The following CADPS2 variants were observed in gnomAD, a reference collection of about 807,000 sequenced individuals.
CADPS2 encodes the protein calcium dependent secretion activator 2, also known as calcium-dependent secretion activator 2.
CADPS2 carries 93 observed loss-of-function variants against 172.5 expected under a neutral mutation model. The ratio of observed to expected loss-of-function variants is 0.54; its 90% confidence interval spans 0.46 to 0.64. CADPS2 has a LOEUF of 0.64. CADPS2 is among the 30% of genes least tolerant of loss of function. The pLI is 0.00. For synonymous variants in CADPS2, 546 were observed against 555.2 expected (o/e 0.98, Z 0.23); for missense variants, 1,420 against 1,565.9 (o/e 0.91, Z 1.57).
intron 1 of CADPS2, among the ~76,000 whole-genome samples, chr7:122,758,856 G>A (rs1040021144): frequency 6.6e-6 from 1 of 151,984 alleles, no homozygotes; most frequent in Non-Finnish European, 1.5e-5. Flanking sequence ...TTCATCACCA[G>A]AGTTTAGGGG....
intron 7 of CADPS2, among the ~76,000 whole-genome samples, chr7:122,574,780 AAC>A (rs1009662982): frequency 1.3e-4 from 20 of 152,134 alleles, no homozygotes; most frequent in African/African-American, 4.8e-4. Context: ...CACAGACTAT[AAC>A]ACACAAATTT....
intron 7 of CADPS2, among the ~76,000 whole-genome samples, chr7:122,556,461 C>A (rs938639407): frequency 6.6e-6 from 1 of 151,992 alleles, no homozygotes; most frequent in African/African-American, 2.4e-5. Flanking sequence ...TTTTTTAATT[C>A]TTCCTTCTAT....
intron 3 of CADPS2, among the ~76,000 whole-genome samples, chr7:122,656,587 G>C (rs993444942): frequency 6.6e-6 from 1 of 152,096 alleles, no homozygotes; most frequent in Non-Finnish European, 1.5e-5. Context: ...AAAAGACTGA[G>C]ATTTAATCAG....
Position 122,789,475 on chromosome 7 carries a change from G to A in CADPS2, c.340-52407C>T, listed in dbSNP as rs78765967. 8.1e-3 allele frequency among the ~76,000 whole-genome samples: 1,235 copies of A among 152,224 alleles called. 21 individuals are homozygous for A. Among genetic ancestry groups the A allele is most frequent in the African/African-American group, 0.028 (1,170 of 41,538 alleles). On this transcript the variant is annotated intron_variant, in intron 1 of 29. Coordinates refer to ENST00000449022, the MANE Select transcript of CADPS2 (RefSeq NM_017954.11). ...AGCAAGAGTCTTGCAAGGGATATCTGTTAAGGAATATAAAAAGCTCAGCTA... is the reference window on the plus strand; with the variant it reads ...AGCAAGAGTCTTGCAAGGGATATCTATTAAGGAATATAAAAAGCTCAGCTA...
intron 27 of CADPS2, among the ~76,000 whole-genome samples, chr7:122,346,328 A>T (rs2037655807): frequency 6.6e-6 from 1 of 152,160 alleles, no homozygotes; most frequent in Admixed American, 6.5e-5. Flanking sequence ...TCATCATGCC[A>T]CTGTACTCCA....
At chr7:122,497,350 C>G (rs1056450265) in intron 9 of CADPS2, among the ~76,000 whole-genome samples, 1 of 152,108 alleles carries the variant, frequency 6.6e-6, no homozygotes. Context: ...ATTATCTTAT[C>G]TTGCCCTTTG....
At chr7:122,731,457 G>A (rs1451266269) in intron 2 of CADPS2, among the ~76,000 whole-genome samples, 1 of 151,726 alleles carries the variant, frequency 6.6e-6, no homozygotes, top group Non-Finnish European at 1.5e-5. Context: ...TGAAACAGAA[G>A]CAGATATCTG....
At chr7:122,508,050 A>G (rs1031103290) in intron 9 of CADPS2, among the ~76,000 whole-genome samples, 1 of 152,194 alleles carries the variant, frequency 6.6e-6, no homozygotes, top group Non-Finnish European at 1.5e-5. Flanking sequence ...ATTCAGGCAC[A>G]CTACTTGTGT....
At chr7:122,643,713 A>T (rs2077957611) in intron 3 of CADPS2, among the ~76,000 whole-genome samples, 1 of 151,972 alleles carries the variant, frequency 6.6e-6, no homozygotes, top group Non-Finnish European at 1.5e-5. Context: ...GGAGAGGGAG[A>T]AAAAGGAGGG....
chr7:122,472,257 A>C (rs1421132044), intron 13 of CADPS2, among the ~76,000 whole-genome samples: 1 of 152,142 alleles, frequency 6.6e-6, no homozygotes, highest in African/African-American at 2.4e-5. Flanking sequence ...TAGTAAAAGA[A>C]AAGAAGGGAG....
At chr7:122,343,808 A>G (rs1426018028) in intron 28 of CADPS2, among the ~76,000 whole-genome samples, 1 of 152,222 alleles carries the variant, frequency 6.6e-6, no homozygotes, top group African/African-American at 2.4e-5. Context: ...GAAAAAGTAA[A>G]AGAGAACTTG....
intron 4 of CADPS2, among the ~76,000 whole-genome samples, chr7:122,628,898 T>A (rs139223874): frequency 2.2e-4 from 34 of 151,648 alleles, no homozygotes; most frequent in African/African-American, 7.3e-4. Context: ...TATATGATTT[T>A]GCGGGGAGGA....
At chr7:122,635,108 A>G (rs1588006630) in intron 3 of CADPS2, among the ~76,000 whole-genome samples, 1 of 152,108 alleles carries the variant, frequency 6.6e-6, no homozygotes, top group East Asian at 1.9e-4. Context: ...TGCAGATGAG[A>G]AGAATGTATA....
intron 2 of CADPS2, among the ~76,000 whole-genome samples, chr7:122,679,277 G>GGGGGGGGGGGC (rs869229827): frequency 9.6e-6 from 1 of 104,534 alleles, no homozygotes; most frequent in Non-Finnish European, 2.1e-5. Flanking sequence ...GGGGGGGGGG[G>GGGGGGGGGGGC]CTCTAAAATG....
chr7:122,455,600 A>C (rs1486420484), intron 14 of CADPS2, among the ~76,000 whole-genome samples: 1 of 152,144 alleles, frequency 6.6e-6, no homozygotes, highest in Non-Finnish European at 1.5e-5. Flanking sequence ...AATATATGCA[A>C]TATAAAAATA....
chr7:122,723,075 C>T (rs1163644274), intron 2 of CADPS2, among the ~76,000 whole-genome samples: 1 of 152,016 alleles, frequency 6.6e-6, no homozygotes, highest in East Asian at 1.9e-4. Context: ...ACCATAAAAA[C>T]CCTAGAAGAA....
rs761061448 is a variant in CADPS2, at chr7:122,345,639, G to A, written c.3547C>T (p.Arg1183Trp). 15 of 1,613,076 alleles carry A rather than the reference G, an allele frequency of 9.3e-6. No individual in the cohort carries two copies. The highest frequency in any genetic ancestry group is 2.2e-5 in the East Asian group (1 of 44,812). ...DLADTYIMFV[R>W]QNQDILREKV... ...TCTCGAAGAATATCTTGGTTTTGCCGAACAAACATAATATAGGTGTCTGCC... is the reference window on the plus strand; with the variant it reads ...TCTCGAAGAATATCTTGGTTTTGCCAAACAAACATAATATAGGTGTCTGCC... Residue 1183 changes from arginine to tryptophan, a missense_variant, in exon 28 of 30, where the codon CGG (arginine) becomes TGG (tryptophan). By Grantham distance (101) the Arg-to-Trp change is moderately radical (BLOSUM62 -3). Transcript: ENST00000449022.
intron 7 of CADPS2, among the ~76,000 whole-genome samples, chr7:122,578,039 G>A (rs1299330016): frequency 2.0e-5 from 3 of 150,906 alleles, no homozygotes; most frequent in Non-Finnish European, 4.4e-5. Context: ...TAACTTAATA[G>A]AAGTTATTTG....
At chr7:122,326,802 G>A (rs2150750470) in intron 28 of CADPS2, among the ~76,000 whole-genome samples, 1 of 152,042 alleles carries the variant, frequency 6.6e-6, no homozygotes, top group Admixed American at 6.6e-5. Flanking sequence ...ATACAATTTA[G>A]TTTAACAAGA....
Sources: allele counts gnomAD v4.1 joint callset (sites outside exome capture counted in the v4.1 genomes callset), GRCh38; gene constraint gnomAD v4.1.1; transcripts MANE v1.5; gene names NCBI Gene and HGNC (gene_info 2026-07-23, HGNC 2026-07-21).